The following CFAP157 variants were observed in gnomAD, a reference collection of about 807,000 sequenced individuals.
CFAP157 encodes the protein cilia- and flagella-associated protein 157.
A neutral mutation model predicts 57.8 loss-of-function variants in CFAP157; 43 were observed. The ratio of observed to expected loss-of-function variants is 0.74; its 90% CI spans 0.58 to 0.96. The LOEUF (loss-of-function observed/expected upper bound fraction) is 0.96. CFAP157 is among the 40% of genes least tolerant of loss of function. CFAP157 has a pLI of 0.00. For missense variants in CFAP157, 606 were observed against 655.3 expected (o/e 0.92, Z 0.82); for synonymous variants, 267 against 269.0 (o/e 0.99, Z 0.07).
At position 127,715,531 on chromosome 9, in the gene CFAP157, C is replaced by T; in HGVS notation, c.*1626C>T. Reference sequence around the variant, plus strand: ...GACCGGGAGCCCCTACGTCGCCGCCCCACGCCACTCACCATCCACCGCTTC... The same window carrying T: ...GACCGGGAGCCCCTACGTCGCCGCCTCACGCCACTCACCATCCACCGCTTC... On this transcript the variant is annotated 3_prime_UTR_variant, in exon 9 of 9. Transcript: ENST00000373295. This position sits in a 1 kb window ranked among gnomAD's most constrained non-coding sequence, Gnocchi z 5.8. 6.2e-7 allele frequency: 1 copy of T among 1,613,408 alleles called. No homozygotes were observed. Among genetic ancestry groups the T allele is most frequent in the Non-Finnish European group, 8.5e-7 (1 of 1,180,028 alleles).
chr9:127,711,500 T>C lies in CFAP157; in HGVS notation c.855+4T>C. 1.2e-6 allele frequency: 2 copies of C among 1,612,140 alleles called. No homozygotes were observed. Among genetic ancestry groups the C allele is most frequent in the Non-Finnish European group, 1.7e-6 (2 of 1,179,384 alleles). On this transcript the variant is annotated splice_donor_region_variant and intron_variant, in intron 4 of 8. Transcript: ENST00000373295. ...GCACAAAAGAGGCCACCAGAAGGTG[T>C]GCCTGCAGGCCTCAGCACAGGGCAT...
At position 127,712,066 on chromosome 9, in the gene CFAP157, C is replaced by T. The variant is rs1370515904; in HGVS notation, c.986+116C>T. 3 of 1,490,640 alleles carry T rather than the reference C, an allele frequency of 2.0e-6. No individual in the cohort carries two copies. In the East Asian group the frequency reaches 7.1e-5, roughly 35 times the overall value. The allele number at this position is 1,490,640 out of a possible 1,614,324, so 92.3% of individuals were successfully genotyped here. On this transcript the variant is annotated intron_variant, in intron 5 of 8. Coordinates refer to ENST00000373295, the MANE Select transcript of CFAP157 (RefSeq NM_001012502.3). ...GACTTCCCCTCTCTAGAGGAGCCTG[C>T]CAGACAGGCTGAGGCTTGGGGCGGG...
chr9:127,714,918 G>GGGGGGGGGCCCCCCCCCCCCCCCCCCCC lies in CFAP157; in HGVS notation c.*1013_*1014insGGGGGGGGCCCCCCCCCCCCCCCCCCCC. 1 of 398,848 alleles carries GGGGGGGGGCCCCCCCCCCCCCCCCCCCC rather than the reference G, an allele frequency of 2.5e-6. No homozygotes were observed. Among genetic ancestry groups the GGGGGGGGGCCCCCCCCCCCCCCCCCCCC allele is most frequent in the East Asian group, 4.9e-5 (1 of 20,434 alleles). 24.7% of individuals were successfully genotyped at this position (398,848 alleles called of 1,614,324 possible). ...CAGCCAGTGCTCCCCTCTGGCCCCC[G>GGGGGGGGGCCCCCCCCCCCCCCCCCCCC]CGCCCCAACCCCCACCCCCTTGGCC... On this transcript the variant is annotated 3_prime_UTR_variant, in exon 9 of 9. Transcript: ENST00000373295.
chr9:127,712,737 T>C lies in CFAP157; in HGVS notation c.1166T>C (p.Val389Ala), dbSNP rs1481683864. ...QMHRDEEDSD[V>A]DVTFQPWHKE... ...CACCGCGATGAAGAGGACAGTGACG[T>C]TGACGTGACGTTCCAGCCATGGCAC... is the stretch of plus-strand genomic sequence containing the variant. The change falls in exon 7 of 9, where the codon GTT becomes GCT. Residue 389 changes from valine to alanine, a missense_variant. By Grantham distance (64) the Val-to-Ala change is moderately conservative. Transcript: ENST00000373295. 7 of 1,614,132 alleles carry C rather than the reference T, an allele frequency of 4.3e-6. No individual in the cohort carries two copies. The highest frequency in any genetic ancestry group is 2.2e-5 in the South Asian group (2 of 91,084).
At position 127,711,876 on chromosome 9, in the gene CFAP157, C is replaced by T. The variant is rs191601743; in HGVS notation, c.912C>T (p.Ala304=). Residue 304 remains alanine (A), a synonymous_variant, in exon 5 of 9, where the codon GCC becomes GCT. Coordinates refer to ENST00000373295, the MANE Select transcript of CFAP157 (RefSeq NM_001012502.3). The stretch of plus-strand genomic sequence containing the variant: ...AGCAGCAGCAGGACACCAAGGAGGC[C>T]GAGGAGCTGCGCCTCCTGCTGAGCC... ...CQEQQQDTKE[A]EELRLLLSQL... 25 of 1,589,206 alleles carry T rather than the reference C, an allele frequency of 1.6e-5. No homozygotes were observed. The highest frequency in any genetic ancestry group is 2.3e-5 in the South Asian group (2 of 87,084).
Position 127,713,997 on chromosome 9 carries a change from G to A in CFAP157, c.*92G>A, listed in dbSNP as rs1842833011. 3.2e-6 allele frequency: 5 copies of A among 1,578,702 alleles called. No homozygotes were observed. Among genetic ancestry groups the A allele is most frequent in the African/African-American group, 2.7e-5 (2 of 74,086 alleles). ...GCAGGCAGCCTGGAACAGTCTAGAG[G>A]AGATTTGTATAAAAAGTAGATACCA... On this transcript the variant is annotated 3_prime_UTR_variant, in exon 9 of 9. Transcript: ENST00000373295.
At chr9:127,707,750 A>T (rs1564364482) in intron 1 of CFAP157, among the ~76,000 whole-genome samples, 1 of 152,184 alleles carries the variant, frequency 6.6e-6, no homozygotes, top group Non-Finnish European at 1.5e-5. Context: ...CTAACTCTTC[A>T]TTCAGAGCCA....
rs148903085 is a variant in CFAP157 at position 127,713,838 on chromosome 9, G to A, written c.1496G>A (p.Arg499His). Reference protein sequence around the residue: ...TFRAHSSPEMRAPGSLKRLEK... With the variant: ...TFRAHSSPEMHAPGSLKRLEK... ...CCAGCATCTTTAATCTTACAGATGC[G>A]TGCCCCTGGTTCTCTAAAAAGGCTT... The change falls in exon 9 of 9, where the codon CGT becomes CAT. Residue 499 changes from arginine (R) to histidine (H), a missense_variant. Physicochemically the swap from Arg to His is conservative, Grantham distance 29. Transcript: ENST00000373295. 1.4e-5 allele frequency: 22 copies of A among 1,613,662 alleles called. No individual in the cohort carries two copies. Among genetic ancestry groups the A allele is most frequent in the African/African-American group, 2.7e-5 (2 of 74,992 alleles).
rs1204139984 is a variant in CFAP157 at position 127,714,165 on chromosome 9, G to T, written c.*260G>T. On this transcript the variant is annotated 3_prime_UTR_variant, in exon 9 of 9. Transcript: ENST00000373295. ...TGGTCCAAGATCAGGTCGGTGGCTC[G>T]ATCCAGCAACAGAGGCAGCAGCTCC... 6.2e-7 allele frequency: 1 copy of T among 1,613,794 alleles called. No individual in the cohort carries two copies. Among genetic ancestry groups the T allele is most frequent in the Non-Finnish European group, 8.5e-7 (1 of 1,180,026 alleles).
rs758684799 is a variant in CFAP157 at position 127,709,702 on chromosome 9, G to T, written c.433+9G>T. The T allele has an allele frequency of 1.5e-5, 24 of 1,609,532 alleles. No homozygotes were observed. The highest frequency in any genetic ancestry group is 2.0e-5 in the Non-Finnish European group (23 of 1,177,308). ...GGAGAACATCATCCTTGGTGAGGAG[G>T]GGACTGGCTGGTGAGCCTGCAGGCA... On this transcript the variant is annotated intron_variant, in intron 2 of 8. Coordinates refer to ENST00000373295, the MANE Select transcript of CFAP157 (RefSeq NM_001012502.3). This position sits in a 1 kb window ranked among gnomAD's most constrained non-coding sequence, Gnocchi z 4.7.
At position 127,712,291 on chromosome 9, in the gene CFAP157, G is replaced by C; in HGVS notation, c.1079G>C (p.Arg360Pro). 1.2e-6 allele frequency: 2 copies of C among 1,614,026 alleles called. No homozygotes were observed. Among genetic ancestry groups the C allele is most frequent in the Non-Finnish European group, 1.7e-6 (2 of 1,179,994 alleles). The part of the protein sequence containing the change: ...QQELANEQKV[R>P]ASLEAALVQA... ...GAACTGGCTAATGAGCAGAAGGTTC[G>C]GGCCAGCCTGGAGGCGGCTCTGGTC... Residue 360 changes from arginine to proline, a missense_variant, in exon 6 of 9, where the codon CGG (arginine) becomes CCG (proline). Physicochemically the swap from Arg to Pro is moderately radical, Grantham distance 103 (BLOSUM62 -2). Coordinates refer to ENST00000373295, the MANE Select transcript of CFAP157 (RefSeq NM_001012502.3).
intron 3 of CFAP157, 115 bp downstream of exon 3, chr9:127,710,869 C>T: frequency 8.3e-7 from 1 of 1,209,114 alleles, no homozygotes; most frequent in Non-Finnish European, 1.2e-6. Flanking sequence ...AAACTGACCG[C>T]CGCCCCGACA....
chr9:127,713,313 C>G, intron 8 of CFAP157, 107 bp downstream of exon 8: 2 of 837,148 alleles, frequency 2.4e-6, no homozygotes, highest in Non-Finnish European at 3.6e-6. Flanking sequence ...GTAACCAGAT[C>G]TCTCTGAGCC....
chr9:127,710,599 A>C lies in CFAP157; in HGVS notation c.434-2A>C, dbSNP rs1403470017. 1.9e-6 allele frequency: 3 copies of C among 1,578,474 alleles called. No homozygotes were observed. The highest frequency in any genetic ancestry group is 1.7e-6 in the Non-Finnish European group (2 of 1,162,036). On this transcript the variant is annotated splice_acceptor_variant, in intron 2 of 8. Transcript: ENST00000373295. LOFTEE classifies it high-confidence loss of function. ...TTGGGCCTTGTGCGCTGTGGCGGCCAGGGGGGAAGCTGGCAGCCCTGGAGG... is the reference window on the plus strand; with the variant it reads ...TTGGGCCTTGTGCGCTGTGGCGGCCCGGGGGGAAGCTGGCAGCCCTGGAGG...
At chr9:127,711,529 G>C in intron 4 of CFAP157, 33 bp downstream of exon 4, 1 of 1,597,670 alleles carries the variant, frequency 6.3e-7, no homozygotes, top group Non-Finnish European at 8.5e-7. Flanking sequence ...AGGGCATTTG[G>C]CATGCAAGGC....
At position 127,709,093 on chromosome 9, in the gene CFAP157, GGTT is replaced by G. The variant is rs1360871982; in HGVS notation, c.162-323_162-321del. Among the ~76,000 whole-genome samples, 1 of 152,180 alleles carries G rather than the reference GGTT, an allele frequency of 6.6e-6. No homozygotes were observed. Among genetic ancestry groups the G allele is most frequent in the Admixed American group, 6.5e-5 (1 of 15,282 alleles). On this transcript the variant is annotated intron_variant, in intron 1 of 8. Transcript: ENST00000373295. This position sits in a 1 kb window ranked among gnomAD's most constrained non-coding sequence, Gnocchi z 4.7. ...TCATCATAGTACCTACATTCTTATA[GGTT>G]GTTGTAATGATTTAACAAACACACT...
chr9:127,714,825 G>A lies in CFAP157; in HGVS notation c.*920G>A. The A allele has an allele frequency of 1.9e-6, 2 of 1,069,116 alleles. No individual in the cohort carries two copies. The highest frequency in any genetic ancestry group is 2.7e-6 in the Non-Finnish European group (2 of 727,396). 66.2% of individuals were successfully genotyped at this position (1,069,116 alleles called of 1,614,324 possible). A position where few individuals can be genotyped will look rare whatever the true frequency, so the allele number is the denominator to read the frequency against. ...ACATATAAAGAAACTGAGGCCCCCCGAAGTACCCAAAGCCATGCAGCAACT... is the reference window on the plus strand; with the variant it reads ...ACATATAAAGAAACTGAGGCCCCCCAAAGTACCCAAAGCCATGCAGCAACT... On this transcript the variant is annotated 3_prime_UTR_variant, in exon 9 of 9. Transcript: ENST00000373295.
chr9:127,708,350 G>A (rs950814291), intron 1 of CFAP157, among the ~76,000 whole-genome samples: 12 of 152,148 alleles, frequency 7.9e-5, no homozygotes, highest in East Asian at 1.9e-4. Context: ...GGTGGCGGGC[G>A]CCTGTAATCC....
chr9:127,710,758 G>C lies in CFAP157; in HGVS notation c.587+4G>C. The C allele has an allele frequency of 6.4e-7, 1 of 1,560,142 alleles. No individual in the cohort carries two copies. The highest frequency in any genetic ancestry group is 8.7e-7 in the Non-Finnish European group (1 of 1,151,186). ...AGTCGGTGCTGGACAAGGACAGGTG[G>C]GCAAGCGGGGCACCCTTTGGGGCCT... On this transcript the variant is annotated splice_donor_region_variant and intron_variant, in intron 3 of 8. Transcript: ENST00000373295.
Sources: allele counts gnomAD v4.1 joint callset (sites outside exome capture counted in the v4.1 genomes callset), GRCh38; gene constraint gnomAD v4.1.1; non-coding constraint Gnocchi (gnomAD v3.1); transcripts MANE v1.5; gene names NCBI Gene and HGNC (gene_info 2026-07-23, HGNC 2026-07-21).